DRICH1: variants seen among roughly 807,000 people sequenced by gnomAD.
DRICH1 encodes the protein aspartate-rich protein 1.
DRICH1 carries 38 observed loss-of-function variants against 39.5 expected under a neutral mutation model. That is an observed-to-expected ratio of 0.96 (90% confidence interval 0.74 to 1.26). The LOEUF is 1.26. Among genes scored for constraint, DRICH1 ranks in the 50% most tolerant of loss-of-function variants. The pLI, the probability that DRICH1 is intolerant of heterozygous loss-of-function variation, is 0.00. For missense variants in DRICH1, 279 were observed against 270.4 expected (o/e 1.03, Z -0.22); for synonymous variants, 84 against 99.5 (o/e 0.84, Z 0.93).
At position 23,608,467 on chromosome 22, in the gene DRICH1, T is replaced by A; in HGVS notation, c.*297A>T. On this transcript the variant is annotated 3_prime_UTR_variant, in exon 12 of 12. Transcript: ENST00000317749. ...TGCACCTGAATAAATGCACTCAGTC[T>A]CTTTATTTCAAGTGGGAATGGCACT... 2.1e-6 allele frequency: 1 copy of A among 481,780 alleles called. No individual in the cohort carries two copies. 29.8% of individuals were successfully genotyped at this position (481,780 alleles called of 1,614,324 possible).
At chr22:23,613,705 G>A (rs1166642716) in intron 9 of DRICH1, 45 bp from the exon 10 acceptor site, 6 of 1,436,384 alleles carry the variant, frequency 4.2e-6, no homozygotes, top group Non-Finnish European at 5.9e-6. Flanking sequence ...AGATTCTGCT[G>A]TGCGCTTCAC....
chr22:23,615,661 C>T (rs939637470), intron 8 of DRICH1, among the ~76,000 whole-genome samples: 1 of 152,148 alleles, frequency 6.6e-6, no homozygotes, highest in Non-Finnish European at 1.5e-5. Context: ...AAACATAATC[C>T]TACAACTTTA....
intron 3 of DRICH1, chr22:23,624,434 C>A (rs1179707107): frequency 4.0e-6 from 3 of 746,594 alleles, no homozygotes; most frequent in African/African-American, 3.8e-5. Flanking sequence ...ACAAACTCAG[C>A]TTCTATTTAC....
the DRICH1 span, among the ~76,000 whole-genome samples, chr22:23,589,249 A>C: frequency 6.6e-6 from 1 of 152,106 alleles, no homozygotes; most frequent in Non-Finnish European, 1.5e-5. Context: ...CCAGGAGTTC[A>C]AGACCAGCCT....
At chr22:23,623,730 T>C (rs1036295099) in intron 3 of DRICH1, among the ~76,000 whole-genome samples, 2 of 152,198 alleles carry the variant, frequency 1.3e-5, no homozygotes, top group Non-Finnish European at 2.9e-5. Context: ...TGGATGCACA[T>C]TCATGAGATT....
intron 4 of DRICH1, among the ~76,000 whole-genome samples, chr22:23,621,674 G>A: frequency 6.6e-6 from 1 of 152,158 alleles, no homozygotes; most frequent in East Asian, 1.9e-4. Context: ...AGCACTTTCG[G>A]AAGCCGAGGT....
the DRICH1 span, among the ~76,000 whole-genome samples, chr22:23,587,864 T>C: frequency 6.6e-6 from 1 of 152,208 alleles, no homozygotes; most frequent in African/African-American, 2.4e-5. Flanking sequence ...TAATTGCGTC[T>C]GCACTGCACA....
chr22:23,581,377 G>A, the DRICH1 span: 1 of 152,258 alleles, frequency 6.6e-6, no homozygotes, highest in Non-Finnish European at 1.5e-5. Flanking sequence ...CTGAGCACCT[G>A]TGCTGGGCGG....
chr22:23,613,306 T>C lies in DRICH1; in HGVS notation c.668A>G (p.Asp223Gly), dbSNP rs1369826106. 1 of 1,613,480 alleles carries C rather than the reference T, an allele frequency of 6.2e-7. No individual in the cohort carries two copies. Among genetic ancestry groups the C allele is most frequent in the South Asian group, 1.1e-5 (1 of 91,050 alleles). Residue 223 changes from aspartate (D) to glycine (G), a missense_variant, in exon 11 of 12, where the codon GAT becomes GGT. Physicochemically the swap from Asp to Gly is moderately conservative, Grantham distance 94. Transcript: ENST00000317749. ...ESDLTLESLS[D>G]EEIHPG ...TTCCCTACCTGGATGAATCTCTTCA[T>C]CACTTAGACTCTCCAGCGTCAAGTC...
the DRICH1 span, among the ~76,000 whole-genome samples, chr22:23,594,741 CA>C: frequency 8.2e-4 from 125 of 151,712 alleles, no homozygotes; most frequent in African/African-American, 2.5e-3. Context: ...CTTTGATAAA[CA>C]GGATCTATTC....
intron 6 of DRICH1, among the ~76,000 whole-genome samples, chr22:23,618,113 C>CTTTTTTTTTTTT (rs368348650): frequency 4.7e-5 from 6 of 127,332 alleles, no homozygotes; most frequent in African/African-American, 1.7e-4. Context: ...ATCACACATT[C>CTTTTTTTTTTTT]TTTTTTTTTT....
At chr22:23,612,803 A>T (rs990099267) in intron 11 of DRICH1, among the ~76,000 whole-genome samples, 4 of 152,186 alleles carry the variant, frequency 2.6e-5, no homozygotes, top group Admixed American at 2.6e-4. Context: ...GTGCACAGTG[A>T]GGACAGAAAC....
chr22:23,614,301 G>A lies in DRICH1; in HGVS notation c.542-87C>T, dbSNP rs539158110. On this transcript the variant is annotated intron_variant, in intron 8 of 11. Transcript: ENST00000317749. ...AGCTTTGCTGGATGTGGTGTATGGA[G>A]GTGGTTGATTAACAAGCATGGACTG... 8.6e-5 allele frequency: 79 copies of A among 916,090 alleles called. No homozygotes were observed. The South Asian group carries it at 1.0e-3, about 12-fold the overall frequency. The allele number at this position is 916,090 out of a possible 1,614,324, so 56.7% of individuals were successfully genotyped here. A position where few individuals can be genotyped will look rare whatever the true frequency, so the allele number is the denominator to read the frequency against.
chr22:23,631,925 A>G lies in DRICH1; in HGVS notation c.99T>C (p.Thr33=), dbSNP rs540321272. Residue 33 remains threonine, a synonymous_variant, in exon 1 of 12, where the codon ACT becomes ACC. Transcript: ENST00000317749. ...CYESDTDIYE[T]VAAATSESTT... Reference sequence around the variant, plus strand: ...TGGATTCTGATGTTGCAGCAGCCACAGTCTCATAAATATCAGTATCAGATT... The same window carrying G: ...TGGATTCTGATGTTGCAGCAGCCACGGTCTCATAAATATCAGTATCAGATT... 11 of 1,613,762 alleles carry G rather than the reference A, an allele frequency of 6.8e-6. No individual in the cohort carries two copies. The highest frequency in any genetic ancestry group is 1.7e-4 in the Middle Eastern group (1 of 5,722).
At chr22:23,616,366 T>C (rs777417680) in intron 8 of DRICH1, among the ~76,000 whole-genome samples, 91 of 152,144 alleles carry the variant, frequency 6.0e-4, no homozygotes, top group Non-Finnish European at 6.5e-4. Context: ...CCCATAAACA[T>C]AGTACTTCTC....
chr22:23,625,468 T>C (rs988802298), intron 2 of DRICH1, among the ~76,000 whole-genome samples: 6 of 152,088 alleles, frequency 3.9e-5, no homozygotes, highest in African/African-American at 9.7e-5. Flanking sequence ...TGCCTGCTTG[T>C]TGGGCTCCCT....
intron 7 of DRICH1, 23 bp from the exon 8 acceptor site, chr22:23,616,897 G>T: frequency 6.2e-7 from 1 of 1,613,592 alleles, no homozygotes; most frequent in Non-Finnish European, 8.5e-7. Context: ...AAAAGAAGAT[G>T]CTGTAAGGAT....
At chr22:23,610,688 C>T (rs1040642405) in intron 11 of DRICH1, 4 of 152,208 alleles carry the variant, frequency 2.6e-5, no homozygotes, top group African/African-American at 9.7e-5. Flanking sequence ...GTTTCCCTTC[C>T]ATTTTTACTT....
At chr22:23,624,088 G>C (rs887086371) in intron 3 of DRICH1, 9 of 985,144 alleles carry the variant, frequency 9.1e-6, no homozygotes, top group Middle Eastern at 5.2e-4. Flanking sequence ...TCCACACTCA[G>C]GGAGATGTCT....
Sources: gnomAD v4.1 joint callset for allele counts (sites outside exome capture counted in the v4.1 genomes callset) on GRCh38, gnomAD v4.1.1 for gene constraint, MANE v1.5 for transcripts, NCBI Gene and HGNC (gene_info 2026-07-23, HGNC 2026-07-21) for gene names.